SGCD: variants seen among roughly 807,000 people sequenced by gnomAD.
The protein encoded by SGCD is delta-sarcoglycan.
In SGCD, 18 loss-of-function variants were observed where a neutral mutation model predicts 36.6. The observed-to-expected ratio is 0.49, with a 90% CI of 0.34 to 0.73. SGCD has a LOEUF of 0.73. Among genes scored for constraint, SGCD ranks in the 30% least tolerant of loss-of-function variants. SGCD has a pLI of 0.01. For synonymous variants in SGCD, 133 were observed against 130.6 expected (o/e 1.02, Z -0.12); for missense variants, 387 against 346.7 (o/e 1.12, Z -0.92).
intron 3 of SGCD, among the ~76,000 whole-genome samples, chr5:156,234,391 C>G (rs1443509970): frequency 2.6e-5 from 4 of 151,988 alleles, no homozygotes; most frequent in East Asian, 1.9e-4. Context: ...AATTTTAACC[C>G]AGAACTTAAA....
chr5:156,636,433 G>T (rs986267176), intron 6 of SGCD, among the ~76,000 whole-genome samples: 2 of 152,120 alleles, frequency 1.3e-5, no homozygotes, highest in Admixed American at 6.6e-5. Context: ...GCTTTAAGTA[G>T]CTTATTTTGT....
At position 156,156,485 on chromosome 5, in the gene SGCD, G is replaced by A. The variant is rs1044802822; in HGVS notation, c.-44+32466G>A. On this transcript the variant is annotated intron_variant, in intron 3 of 9. Transcript: ENST00000517913. ...TTCTATTAAAAATATAAAAATTAGCGTGGTGGCATGCGCCAGTAGTCCCAA... is the reference window on the plus strand; with the variant it reads ...TTCTATTAAAAATATAAAAATTAGCATGGTGGCATGCGCCAGTAGTCCCAA... Among the ~76,000 whole-genome samples the A allele has an allele frequency of 6.6e-5, 10 of 151,514 alleles. 1 individual carries two copies. Among genetic ancestry groups the A allele is most frequent in the Non-Finnish European group, 8.8e-5 (6 of 67,996 alleles).
chr5:156,709,610 G>A (rs1196835082), intron 7 of SGCD, among the ~76,000 whole-genome samples: 1 of 152,176 alleles, frequency 6.6e-6, no homozygotes, highest in Non-Finnish European at 1.5e-5. Flanking sequence ...ACTTGAGAGT[G>A]TCTGGGGAAC....
chr5:156,736,005 G>A (rs1756341663), intron 7 of SGCD, among the ~76,000 whole-genome samples: 1 of 152,042 alleles, frequency 6.6e-6, no homozygotes, highest in Admixed American at 6.6e-5. Context: ...AGTTTTCCTG[G>A]GATCACACAA....
At chr5:156,748,122 G>A (rs1173957777) in intron 7 of SGCD, among the ~76,000 whole-genome samples, 1 of 152,096 alleles carries the variant, frequency 6.6e-6, no homozygotes, top group East Asian at 1.9e-4. Flanking sequence ...AATCATAAAA[G>A]AGTAAAAATC....
chr5:156,674,596 G>A (rs944803617), intron 7 of SGCD, among the ~76,000 whole-genome samples: 2 of 152,144 alleles, frequency 1.3e-5, no homozygotes, highest in African/African-American at 2.4e-5. Context: ...TCATAGAGAT[G>A]TGTCAAGCAT....
chr5:155,868,416 G>A (rs1321571791), upstream of SGCD, among the ~76,000 whole-genome samples: 2 of 140,998 alleles, frequency 1.4e-5, no homozygotes, highest in Admixed American at 1.5e-4. Flanking sequence ...CAGGGTGCCA[G>A]ACTGGTCTAG....
intron 1 of SGCD, among the ~76,000 whole-genome samples, chr5:155,887,642 G>T (rs988904939): frequency 6.6e-6 from 1 of 152,146 alleles, no homozygotes. Flanking sequence ...AGGAGTAAAG[G>T]ACATTTTGTA....
intron 3 of SGCD, among the ~76,000 whole-genome samples, chr5:156,161,715 G>A (rs1763090308): frequency 6.6e-6 from 1 of 151,800 alleles, no homozygotes; most frequent in South Asian, 2.1e-4. Flanking sequence ...TATGTTTGCA[G>A]TGTAGACATG....
At chr5:156,219,052 A>G (rs1561570662) in intron 3 of SGCD, among the ~76,000 whole-genome samples, 1 of 152,180 alleles carries the variant, frequency 6.6e-6, no homozygotes, top group Non-Finnish European at 1.5e-5. Context: ...GAAGAAATTA[A>G]TTTAATCATA....
At chr5:155,924,010 A>G (rs907876896) in intron 1 of SGCD, among the ~76,000 whole-genome samples, 1 of 152,214 alleles carries the variant, frequency 6.6e-6, no homozygotes, top group Non-Finnish European at 1.5e-5. Context: ...AGTGTCTCAC[A>G]TTGCAGGGAA....
intron 1 of SGCD, among the ~76,000 whole-genome samples, chr5:155,877,691 C>G (rs1425252681): frequency 2.0e-5 from 3 of 152,000 alleles, no homozygotes; most frequent in Admixed American, 6.6e-5. Flanking sequence ...TAATGCTTCT[C>G]AAAATGTGTT....
chr5:156,567,894 C>A (rs1000464582), intron 4 of SGCD, among the ~76,000 whole-genome samples: 3 of 152,150 alleles, frequency 2.0e-5, no homozygotes, highest in Admixed American at 2.0e-4. Flanking sequence ...GCCATGTCAA[C>A]AACAGTGGCT....
intron 4 of SGCD, among the ~76,000 whole-genome samples, chr5:156,541,912 T>C (rs1758362106): frequency 6.6e-6 from 1 of 152,196 alleles, no homozygotes; most frequent in South Asian, 2.1e-4. Flanking sequence ...CATTATACTA[T>C]TTCCCAGGGC....
intron 3 of SGCD, among the ~76,000 whole-genome samples, chr5:156,309,825 T>C (rs760065579): frequency 5.3e-5 from 8 of 152,106 alleles, no homozygotes; most frequent in Non-Finnish European, 1.2e-4. Flanking sequence ...TTTAAAGTCT[T>C]TGTTTAGTAG....
intron 3 of SGCD, among the ~76,000 whole-genome samples, chr5:156,449,607 G>A (rs552940009): frequency 1.2e-4 from 18 of 147,674 alleles, no homozygotes; most frequent in African/African-American, 4.6e-4. Flanking sequence ...GGAAACGGGT[G>A]GATCACCTGA....
chr5:156,635,739 C>T (rs1762802420), intron 6 of SGCD, among the ~76,000 whole-genome samples: 1 of 152,098 alleles, frequency 6.6e-6, no homozygotes. Flanking sequence ...TTTGTAAGGA[C>T]ATGGTTGAAG....
intron 1 of SGCD, among the ~76,000 whole-genome samples, chr5:156,106,058 G>GA (rs777590834): frequency 2.8e-5 from 4 of 141,620 alleles, no homozygotes; most frequent in Non-Finnish European, 6.1e-5. Context: ...TGCAGTGAGT[G>GA]GAGATCATGC....
chr5:156,104,340 C>G (rs1761592183), intron 1 of SGCD, among the ~76,000 whole-genome samples: 1 of 152,114 alleles, frequency 6.6e-6, no homozygotes. Flanking sequence ...AACTGTTTAT[C>G]TTACTCCATA....
Sources: gnomAD v4.1 joint callset for allele counts (sites outside exome capture counted in the v4.1 genomes callset) on GRCh38, gnomAD v4.1.1 for gene constraint, MANE v1.5 for transcripts, NCBI Gene and HGNC (gene_info 2026-07-23, HGNC 2026-07-21) for gene names.